The following HSD17B12 variants were observed in gnomAD, a reference collection of about 807,000 sequenced individuals.
HSD17B12 encodes the protein very-long-chain 3-oxoacyl-CoA reductase.
HSD17B12 carries 32 observed loss-of-function variants against 39.3 expected under a neutral mutation model. That is an observed-to-expected ratio of 0.81 (90% confidence interval 0.61 to 1.09). The LOEUF (loss-of-function observed/expected upper bound fraction) is 1.09, where lower values mean the gene tolerates loss of function less well. HSD17B12 is among the 50% of genes least tolerant of loss of function. The probability of loss-of-function intolerance (pLI) is 0.00; values close to 1 mark genes in which losing one functional copy is unlikely to be tolerated. For missense variants in HSD17B12, 342 were observed against 382.9 expected (o/e 0.89, Z 0.89); for synonymous variants, 150 against 146.7 (o/e 1.02, Z -0.16).
At chr11:43,812,740 G>T (rs983456740) in intron 4 of HSD17B12, among the ~76,000 whole-genome samples, 5 of 152,138 alleles carry the variant, frequency 3.3e-5, no homozygotes, top group Non-Finnish European at 7.3e-5. Context: ...TTCTTATAGA[G>T]CTATGTTAAA....
chr11:43,788,863 T>C (rs1435947614), intron 3 of HSD17B12, among the ~76,000 whole-genome samples: 1 of 152,174 alleles, frequency 6.6e-6, no homozygotes, highest in Non-Finnish European at 1.5e-5. Context: ...CATACTTGGT[T>C]TAATGCTCTG....
chr11:43,585,550 C>A, the HSD17B12 span, among the ~76,000 whole-genome samples: 1 of 152,312 alleles, frequency 6.6e-6, no homozygotes, highest in Admixed American at 6.5e-5. Flanking sequence ...ATGACTGCTA[C>A]ATGGATTTTT....
Position 43,851,975 on chromosome 11 carries a change from A to G in HSD17B12, c.685-2740A>G, listed in dbSNP as rs964089346. 16 of 152,312 alleles carry G rather than the reference A, an allele frequency of 1.1e-4. No individual in the cohort carries two copies. The South Asian group carries it at 1.2e-3, about 12-fold the overall frequency. 9.4% of individuals were successfully genotyped at this position (152,312 alleles called of 1,614,324 possible). ...TTCCCTTATTTGTTTACAATTAGGG[A>G]AATTCTTGCACTTCATTTAAGACTT... On this transcript the variant is annotated intron_variant, in intron 9 of 10. Coordinates refer to ENST00000278353, the MANE Select transcript of HSD17B12 (RefSeq NM_016142.3).
At chr11:43,562,172 T>C in the HSD17B12 span, among the ~76,000 whole-genome samples, 12 of 152,246 alleles carry the variant, frequency 7.9e-5, no homozygotes, top group African/African-American at 2.9e-4. Context: ...AAGTAAGTGA[T>C]ACATGTGTTT....
chr11:43,589,430 T>C, the HSD17B12 span, among the ~76,000 whole-genome samples: 6 of 152,198 alleles, frequency 3.9e-5, no homozygotes, highest in Non-Finnish European at 5.9e-5. Context: ...GGCCACCAAT[T>C]GTCCCCTGAA....
chr11:43,681,209 C>T, intron 1 of HSD17B12: 2 of 1,281,360 alleles, frequency 1.6e-6, no homozygotes, highest in Non-Finnish European at 2.0e-6. Context: ...CTCGCTCAAT[C>T]CTGGGAATCT....
chr11:43,671,933 T>G, the HSD17B12 span, among the ~76,000 whole-genome samples: 2 of 152,242 alleles, frequency 1.3e-5, no homozygotes, highest in Non-Finnish European at 2.9e-5. Flanking sequence ...AATCACTTGT[T>G]TCAAAATGAC....
At chr11:43,825,554 A>G (rs908708988) in intron 6 of HSD17B12, among the ~76,000 whole-genome samples, 1 of 152,258 alleles carries the variant, frequency 6.6e-6, no homozygotes, top group Non-Finnish European at 1.5e-5. Context: ...TAACAACATT[A>G]GGAATATGAT....
the HSD17B12 span, among the ~76,000 whole-genome samples, chr11:43,577,858 T>C: frequency 2.0e-5 from 3 of 151,976 alleles, no homozygotes; most frequent in East Asian, 1.9e-4. Flanking sequence ...TGAAGGGAAA[T>C]TGGGGAGGAG....
chr11:43,740,365 A>G lies in HSD17B12; in HGVS notation c.161-10546A>G, dbSNP rs557823122. 9.2e-5 allele frequency among the ~76,000 whole-genome samples: 14 copies of G among 152,248 alleles called. No individual in the cohort carries two copies. The South Asian group carries it at 2.9e-3, about 32-fold the overall frequency. ...ATGATGTGAATATTATTTTGTTTTC[A>G]TAATTTATTTTATTGACCGTTTACG... On this transcript the variant is annotated intron_variant, in intron 1 of 10. Transcript: ENST00000278353.
intron 4 of HSD17B12, among the ~76,000 whole-genome samples, chr11:43,800,964 C>G (rs564062204): frequency 6.6e-6 from 1 of 152,158 alleles, no homozygotes; most frequent in East Asian, 1.9e-4. Flanking sequence ...CATGACGAAA[C>G]CCCATCTCTA....
chr11:43,559,020 C>A, the HSD17B12 span, among the ~76,000 whole-genome samples: 311 of 152,200 alleles, frequency 2.0e-3, 1 homozygote, highest in Non-Finnish European at 2.1e-3. Flanking sequence ...TGGCTGCATC[C>A]CTGGATCTGC....
chr11:43,586,630 AT>A, the HSD17B12 span, among the ~76,000 whole-genome samples: 1 of 152,112 alleles, frequency 6.6e-6, no homozygotes, highest in East Asian at 1.9e-4. Flanking sequence ...TCCCCAAGAT[AT>A]TTTTTTAGAA....
At chr11:43,766,105 G>C (rs866839523) in intron 3 of HSD17B12, among the ~76,000 whole-genome samples, 6 of 152,204 alleles carry the variant, frequency 3.9e-5, no homozygotes, top group African/African-American at 1.2e-4. Context: ...GATTACAGGC[G>C]TGAGCCACCG....
At chr11:43,598,163 C>T in the HSD17B12 span, among the ~76,000 whole-genome samples, 1 of 152,198 alleles carries the variant, frequency 6.6e-6, no homozygotes, top group African/African-American at 2.4e-5. Flanking sequence ...AGAATGGCCT[C>T]CAGACACCCA....
intron 9 of HSD17B12, among the ~76,000 whole-genome samples, chr11:43,849,604 G>A (rs943917020): frequency 2.0e-5 from 3 of 152,108 alleles, no homozygotes; most frequent in African/African-American, 7.2e-5. Context: ...CAGATCTTTG[G>A]TTATAAGTCA....
At chr11:43,609,110 G>A in the HSD17B12 span, among the ~76,000 whole-genome samples, 1 of 150,974 alleles carries the variant, frequency 6.6e-6, no homozygotes, top group Admixed American at 6.6e-5. Flanking sequence ...TTTTTTGTAT[G>A]TGTGTTTTTT....
chr11:43,616,130 G>A, the HSD17B12 span, among the ~76,000 whole-genome samples: 1 of 152,180 alleles, frequency 6.6e-6, no homozygotes, highest in Non-Finnish European at 1.5e-5. Flanking sequence ...TCAGCAGGCT[G>A]GGCATGGTGG....
chr11:43,752,010 C>G (rs528265582), intron 2 of HSD17B12, among the ~76,000 whole-genome samples: 9 of 152,242 alleles, frequency 5.9e-5, no homozygotes, highest in African/African-American at 1.7e-4. Context: ...TTTCCAAGAT[C>G]CAGGTAAGGA....
Sources: allele counts gnomAD v4.1 joint callset (sites outside exome capture counted in the v4.1 genomes callset), GRCh38; gene constraint gnomAD v4.1.1; transcripts MANE v1.5; gene names NCBI Gene and HGNC (gene_info 2026-07-23, HGNC 2026-07-21).